Variants in ORC3 observed in about 807,000 individuals in gnomAD.
The protein encoded by ORC3 is homolog of latheo, Drosophila.
Under a neutral mutation model 100.7 loss-of-function variants are expected in ORC3, and 78 were observed. That is an observed-to-expected ratio of 0.77 (90% CI 0.65 to 0.94). The LOEUF is 0.94. Among genes scored for constraint, ORC3 ranks in the 40% least tolerant of loss-of-function variants. ORC3 has a pLI of 0.00. For missense variants in ORC3, 789 were observed against 823.9 expected (o/e 0.96, Z 0.52); for synonymous variants, 295 against 289.3 (o/e 1.02, Z -0.20).
chr6:87,614,498 C>A (rs894921953), intron 8 of ORC3, among the ~76,000 whole-genome samples: 6 of 152,194 alleles, frequency 3.9e-5, no homozygotes, highest in African/African-American at 1.4e-4. Flanking sequence ...AATTTCTCCT[C>A]AGAAATGGGA....
At chr6:87,635,226 C>T (rs1256740094) in intron 12 of ORC3, among the ~76,000 whole-genome samples, 1 of 152,174 alleles carries the variant, frequency 6.6e-6, no homozygotes, top group Admixed American at 6.5e-5. Flanking sequence ...TTGAACTTTC[C>T]TTCTTTAACA....
Position 87,616,445 on chromosome 6 carries a change from G to T in ORC3, c.987+18G>T. 1 of 987,688 alleles carries T rather than the reference G, an allele frequency of 1.0e-6. No individual in the cohort carries two copies. The highest frequency in any genetic ancestry group is 1.6e-6 in the Non-Finnish European group (1 of 619,988). The allele number at this position is 987,688 out of a possible 1,614,324, so 61.2% of individuals were successfully genotyped here. A position where few individuals can be genotyped will look rare whatever the true frequency, so the allele number is the denominator to read the frequency against. The stretch of plus-strand genomic sequence containing the variant: ...GACTTCAGGTAAGAACACAGTAATG[G>T]GTTTGAAAATTCTCAAGCTGATTCT... On this transcript the variant is annotated intron_variant, in intron 9 of 19. Coordinates refer to ENST00000392844, the MANE Select transcript of ORC3 (RefSeq NM_012381.4).
At chr6:87,627,824 T>A (rs1012912873) in intron 11 of ORC3, among the ~76,000 whole-genome samples, 1 of 152,230 alleles carries the variant, frequency 6.6e-6, no homozygotes, top group East Asian at 1.9e-4. Flanking sequence ...AAACCACACT[T>A]CAAGAACTAC....
At chr6:87,672,352 T>C (rs1298707994), downstream of ORC3, among the ~76,000 whole-genome samples, 2 of 152,174 alleles carry the variant, frequency 1.3e-5, no homozygotes, top group African/African-American at 2.4e-5. Context: ...ATTATGCTTT[T>C]GGAAATGATT....
At chr6:87,672,445 T>C (rs1770854675), downstream of ORC3, among the ~76,000 whole-genome samples, 2 of 152,224 alleles carry the variant, frequency 1.3e-5, no homozygotes, top group South Asian at 4.1e-4. Flanking sequence ...GGTTTGCATC[T>C]CGTGCTCCTT....
At chr6:87,663,523 C>A (rs772361672) in intron 17 of ORC3, among the ~76,000 whole-genome samples, 7 of 152,146 alleles carry the variant, frequency 4.6e-5, no homozygotes, top group Non-Finnish European at 8.8e-5. Context: ...ACTGAAAGAC[C>A]GAAATGGTTG....
chr6:87,603,412 T>C lies in ORC3; in HGVS notation c.206T>C (p.Leu69Ser), dbSNP rs1185564308. ...CTACAAGAGGAATTAAATAAAAACT[T>C]GTTTGACAATCTGATTGAATTTCTG... ...ERLQEELNKN[L>S]FDNLIEFLQK... The change falls in exon 4 of 20, where the codon TTG becomes TCG. Residue 69 changes from leucine (L) to serine (S), a missense_variant. Leu to Ser is a moderately radical substitution (Grantham distance 145, BLOSUM62 -2). This residue lies in a region of ORC3 where 399 missense variants were observed against 382.0 expected (regional missense o/e 1.04). Transcript: ENST00000392844. 6.6e-7 allele frequency: 1 copy of C among 1,518,128 alleles called. No homozygotes were observed. Among genetic ancestry groups the C allele is most frequent in the African/African-American group, 1.4e-5 (1 of 73,926 alleles). The allele number at this position is 1,518,128 out of a possible 1,614,324, so 94.0% of individuals were successfully genotyped here.
At chr6:87,674,159 G>A in the ORC3 span, among the ~76,000 whole-genome samples, 14 of 151,908 alleles carry the variant, frequency 9.2e-5, no homozygotes, top group African/African-American at 2.4e-4. Context: ...AAAATTAGCC[G>A]GGTGTGGTGG....
At chr6:87,633,386 GT>G (rs1767577153) in intron 11 of ORC3, among the ~76,000 whole-genome samples, 3 of 152,148 alleles carry the variant, frequency 2.0e-5, no homozygotes, top group Admixed American at 6.5e-5. Flanking sequence ...GGCTACTTTT[GT>G]TATGATAGGA....
At position 87,607,843 on chromosome 6, in the gene ORC3, T is replaced by C; in HGVS notation, c.579+19T>C. ...CACACAGGTAGATATAAACTGATGATTTTCTCCCAGGAAATTGACGTATGA... is the reference window on the plus strand; with the variant it reads ...CACACAGGTAGATATAAACTGATGACTTTCTCCCAGGAAATTGACGTATGA... On this transcript the variant is annotated intron_variant, in intron 6 of 19. Transcript: ENST00000392844. 6.3e-7 allele frequency: 1 copy of C among 1,578,772 alleles called. No individual in the cohort carries two copies.
chr6:87,661,002 T>G (rs1485230949), intron 16 of ORC3, among the ~76,000 whole-genome samples: 5 of 152,256 alleles, frequency 3.3e-5, no homozygotes, highest in Admixed American at 6.5e-5. Context: ...TGAGGATATC[T>G]AGAGAGGTCT....
chr6:87,602,952 A>ATTTTTTT (rs569461374), intron 3 of ORC3, among the ~76,000 whole-genome samples: 2 of 112,838 alleles, frequency 1.8e-5, no homozygotes, highest in South Asian at 5.6e-4. Context: ...ATACACATAT[A>ATTTTTTT]TAATATATAT....
the ORC3 span, among the ~76,000 whole-genome samples, chr6:87,676,596 A>AACACACGCACGCGCGCACACACAC: frequency 1.3e-3 from 181 of 142,146 alleles, 1 homozygote; most frequent in African/African-American, 4.5e-3. Flanking sequence ...CTCTACTAAA[A>AACACACGCACGCGCGCACACACAC]ACACACACAC....
At chr6:87,677,256 A>G in the ORC3 span, among the ~76,000 whole-genome samples, 2 of 152,200 alleles carry the variant, frequency 1.3e-5, no homozygotes, top group African/African-American at 4.8e-5. Context: ...AAGTTGTTAT[A>G]TATCTAAGCA....
chr6:87,637,130 T>A (rs746910543), intron 13 of ORC3, among the ~76,000 whole-genome samples: 4 of 152,236 alleles, frequency 2.6e-5, no homozygotes, highest in African/African-American at 7.2e-5. Context: ...GGAAATCACA[T>A]GTGAGCTAAG....
At chr6:87,590,321 T>G (rs892010448) in intron 1 of ORC3, 129 bp downstream of exon 1, 7 of 998,046 alleles carry the variant, frequency 7.0e-6, no homozygotes, top group African/African-American at 3.2e-5. Context: ...CGTACTGAGC[T>G]GAGGCGTCCT....
chr6:87,666,537 C>G (rs1386548056), intron 19 of ORC3, among the ~76,000 whole-genome samples: 1 of 149,020 alleles, frequency 6.7e-6, no homozygotes, highest in Non-Finnish European at 1.5e-5. Context: ...CTCCCGGGTT[C>G]AAGCGATTCT....
intron 13 of ORC3, among the ~76,000 whole-genome samples, chr6:87,644,778 G>A (rs1768620720): frequency 6.6e-6 from 1 of 152,146 alleles, no homozygotes; most frequent in South Asian, 2.1e-4. Flanking sequence ...GAACCTGGGA[G>A]GTGGAGGTTG....
chr6:87,637,030 GTTA>G (rs1347060126), intron 13 of ORC3, among the ~76,000 whole-genome samples: 1 of 152,082 alleles, frequency 6.6e-6, no homozygotes, highest in Non-Finnish European at 1.5e-5. Flanking sequence ...TAGTGTTAAA[GTTA>G]TTATTTATAT....
Sources: allele counts gnomAD v4.1 joint callset (sites outside exome capture counted in the v4.1 genomes callset), GRCh38; gene constraint gnomAD v4.1.1; regional missense constraint gnomAD v4.1.1; transcripts MANE v1.5; gene names NCBI Gene and HGNC (gene_info 2026-07-23, HGNC 2026-07-21).